VMAC: variants seen among roughly 807,000 people sequenced by gnomAD.
The protein encoded by VMAC is vimentin-type intermediate filament-associated coiled-coil protein.
Under a neutral mutation model 4.8 loss-of-function variants are expected in VMAC, and 8 were observed. The observed-to-expected ratio is 1.68, with a 90% confidence interval of 0.99 to 3.03. VMAC has a LOEUF of 3.03. VMAC is among the 30% of genes most tolerant of loss of function. The probability of loss-of-function intolerance (pLI) is 0.00; values close to 1 mark genes in which losing one functional copy is unlikely to be tolerated. For synonymous variants in VMAC, 96 were observed against 113.7 expected (o/e 0.84, Z 0.99); for missense variants, 248 against 245.1 (o/e 1.01, Z -0.08).
At position 5,904,901 on chromosome 19, in the gene VMAC, C is replaced by A; in HGVS notation, c.11C>A (p.Pro4Gln). Residue 4 changes from proline to glutamine, a missense_variant, in exon 1 of 2, where the codon CCG becomes CAG. Pro to Gln is a moderately conservative substitution (Grantham distance 76). Coordinates refer to ENST00000339485, the MANE Select transcript of VMAC (RefSeq NM_001017921.4). The stretch of plus-strand genomic sequence containing the variant: ...ACAGCAGCCTGGGCCATGTCGGCGC[C>A]GCCGGCCCTGCAGATCCGGGAGGCA... Reference protein sequence around the residue: MSAPPALQIREANA... With the variant: MSAQPALQIREANA... The A allele has an allele frequency of 1.3e-6, 2 of 1,481,792 alleles. No individual in the cohort carries two copies. Among genetic ancestry groups the A allele is most frequent in the East Asian group, 2.9e-5 (1 of 34,452 alleles). 91.8% of individuals were successfully genotyped at this position (1,481,792 alleles called of 1,614,324 possible). A position where few individuals can be genotyped will look rare whatever the true frequency, so the allele number is the denominator to read the frequency against.
intron 1 of VMAC, 66 bp downstream of exon 1, chr19:5,905,147 A>G (rs2057673892): frequency 1.5e-6 from 2 of 1,327,334 alleles, no homozygotes; most frequent in Non-Finnish European, 1.9e-6. Context: ...CCGAGGCTGG[A>G]AAGCGAGGAA....
rs905849738 is a variant in VMAC at position 5,910,040 on chromosome 19, C to T, written c.*898C>T. 1 of 152,202 alleles carries T rather than the reference C, an allele frequency of 6.6e-6. No individual in the cohort carries two copies. The highest frequency in any genetic ancestry group is 1.5e-5 in the Non-Finnish European group (1 of 68,076). The allele number at this position is 152,202 out of a possible 1,614,324, so 9.4% of individuals were successfully genotyped here. ...CACCAGGAACCGGCGAGGGGCACAG[C>T]CTGTTTCAGACCAGAAAGGTCGGAG... On this transcript the variant is annotated 3_prime_UTR_variant, in exon 2 of 2. Transcript: ENST00000339485.
chr19:5,909,029 A>G lies in VMAC; in HGVS notation c.397A>G (p.Ser133Gly), dbSNP rs547617283. Residue 133 changes from serine (S) to glycine (G), a missense_variant, in exon 2 of 2, where the codon AGT (serine) becomes GGT (glycine). Ser to Gly is a moderately conservative substitution (Grantham distance 56). Coordinates refer to ENST00000339485, the MANE Select transcript of VMAC (RefSeq NM_001017921.4). ...EAERLGPLPA[S>G]DPGHPPPGGP... Reference sequence around the variant, plus strand: ...TGAGCGCCTGGGGCCCCTGCCGGCCAGTGACCCCGGCCACCCACCCCCCGG... The same window carrying G: ...TGAGCGCCTGGGGCCCCTGCCGGCCGGTGACCCCGGCCACCCACCCCCCGG... 6.3e-7 allele frequency: 1 copy of G among 1,580,952 alleles called. No homozygotes were observed. The highest frequency in any genetic ancestry group is 1.1e-5 in the South Asian group (1 of 88,340).
rs1277604231 is a variant in VMAC at position 5,910,108 on chromosome 19, C to T, written c.*966C>T. 1 of 152,250 alleles carries T rather than the reference C, an allele frequency of 6.6e-6. No homozygotes were observed. The highest frequency in any genetic ancestry group is 1.5e-5 in the Non-Finnish European group (1 of 68,088). The allele number at this position is 152,250 out of a possible 1,614,324, so 9.4% of individuals were successfully genotyped here. A position where few individuals can be genotyped will look rare whatever the true frequency, so the allele number is the denominator to read the frequency against. ...GGATGGCGCCCGCCTGCCTGCCTGG[C>T]AACAGTGACCCCTCAGTGCAGTAAC... On this transcript the variant is annotated 3_prime_UTR_variant, in exon 2 of 2. Transcript: ENST00000339485.
At position 5,909,291 on chromosome 19, in the gene VMAC, T is replaced by C. The variant is rs1266660470; in HGVS notation, c.*149T>C. On this transcript the variant is annotated 3_prime_UTR_variant, in exon 2 of 2. Coordinates refer to ENST00000339485, the MANE Select transcript of VMAC (RefSeq NM_001017921.4). ...GCTGAACAGTCAAAAAGTTTTCAAA[T>C]AGGCCCACAGGCCAGGTGCAGACGT... is the stretch of plus-strand genomic sequence containing the variant. 3.7e-6 allele frequency: 3 copies of C among 813,074 alleles called. No homozygotes were observed. Among genetic ancestry groups the C allele is most frequent in the Non-Finnish European group, 1.8e-6 (1 of 544,202 alleles). The allele number at this position is 813,074 out of a possible 1,614,324, so 50.4% of individuals were successfully genotyped here.
At chr19:5,906,504 T>C (rs1366337991) in intron 1 of VMAC, among the ~76,000 whole-genome samples, 5 of 152,232 alleles carry the variant, frequency 3.3e-5, no homozygotes, top group African/African-American at 7.2e-5. Context: ...CAGTAAGACT[T>C]AGCCTTGCCC....
In VMAC at chr19:5,904,988, C is replaced by T; in HGVS notation, c.98C>T (p.Ala33Val). Residue 33 changes from alanine (A) to valine (V), a missense_variant, in exon 1 of 2, where the codon GCG (alanine) becomes GTG (valine). Transcript: ENST00000339485. The stretch of plus-strand genomic sequence containing the variant: ...GAGCTGGAGGCGCGGCTGGACGCGG[C>T]GGAGCGCACGGTGCACGCCCAAGCC... The part of the protein sequence containing the change: ...AAELEARLDA[A>V]ERTVHAQAER... 3 of 1,463,198 alleles carry T rather than the reference C, an allele frequency of 2.1e-6. No individual in the cohort carries two copies. The highest frequency in any genetic ancestry group is 8.9e-7 in the Non-Finnish European group (1 of 1,117,608). The allele number at this position is 1,463,198 out of a possible 1,614,324, so 90.6% of individuals were successfully genotyped here.
Position 5,909,827 on chromosome 19 carries a change from T to C in VMAC, c.*685T>C, listed in dbSNP as rs1472822799. On this transcript the variant is annotated 3_prime_UTR_variant, in exon 2 of 2. Coordinates refer to ENST00000339485, the MANE Select transcript of VMAC (RefSeq NM_001017921.4). ...TTGTAGCATGCAACTGTCTCCTTTT[T>C]ATACGCCCTAAAGAATATATTTTTG... 1 of 152,258 alleles carries C rather than the reference T, an allele frequency of 6.6e-6. No individual in the cohort carries two copies. Among genetic ancestry groups the C allele is most frequent in the African/African-American group, 2.4e-5 (1 of 41,450 alleles). The allele number at this position is 152,258 out of a possible 1,614,324, so 9.4% of individuals were successfully genotyped here.
chr19:5,907,618 A>T (rs1265835657), intron 1 of VMAC, among the ~76,000 whole-genome samples: 1 of 131,790 alleles, frequency 7.6e-6, no homozygotes, highest in Non-Finnish European at 1.7e-5. Flanking sequence ...ACTAAAAAAA[A>T]AAAAAAAAAA....
chr19:5,908,399 G>A lies in VMAC; in HGVS notation c.192-425G>A, dbSNP rs1023253039. Among the ~76,000 whole-genome samples, 3 of 152,100 alleles carry A rather than the reference G, an allele frequency of 2.0e-5. No individual in the cohort carries two copies. The highest frequency in any genetic ancestry group is 6.5e-5 in the Admixed American group (1 of 15,276). The stretch of plus-strand genomic sequence containing the variant: ...TGAGAGGCCATGGCGGGTGGATCAC[G>A]TGGTCAGGAGTTCGAGACCAGCCTG... On this transcript the variant is annotated intron_variant, in intron 1 of 1. Coordinates refer to ENST00000339485, the MANE Select transcript of VMAC (RefSeq NM_001017921.4). This position sits in a 1 kb window ranked among gnomAD's most constrained non-coding sequence, Gnocchi z 4.5.
intron 1 of VMAC, among the ~76,000 whole-genome samples, chr19:5,905,720 C>T (rs1308866353): frequency 6.6e-6 from 1 of 151,738 alleles, no homozygotes; most frequent in Non-Finnish European, 1.5e-5. Flanking sequence ...CCGCACCCGG[C>T]CTAAATTTAT....
chr19:5,909,310 C>G lies in VMAC; in HGVS notation c.*168C>G. The G allele has an allele frequency of 1.5e-6, 1 of 656,174 alleles. No individual in the cohort carries two copies. The highest frequency in any genetic ancestry group is 2.5e-6 in the Non-Finnish European group (1 of 405,750). The allele number at this position is 656,174 out of a possible 1,614,324, so 40.6% of individuals were successfully genotyped here. A position where few individuals can be genotyped will look rare whatever the true frequency, so the allele number is the denominator to read the frequency against. ...TTCAAATAGGCCCACAGGCCAGGTG[C>G]AGACGTTTAACCCAGACAGAAGTGT... is the stretch of plus-strand genomic sequence containing the variant. On this transcript the variant is annotated 3_prime_UTR_variant, in exon 2 of 2. Coordinates refer to ENST00000339485, the MANE Select transcript of VMAC (RefSeq NM_001017921.4).
Position 5,904,995 on chromosome 19 carries a change from C to T in VMAC, c.105C>T (p.Arg35=). The change falls in exon 1 of 2, where the codon CGC becomes CGT. Residue 35 remains arginine (R), a synonymous_variant. Coordinates refer to ENST00000339485, the MANE Select transcript of VMAC (RefSeq NM_001017921.4). The part of the protein sequence containing the change: ...ELEARLDAAE[R]TVHAQAERLA... ...AGGCGCGGCTGGACGCGGCGGAGCG[C>T]ACGGTGCACGCCCAAGCCGAGCGCC... is the stretch of plus-strand genomic sequence containing the variant. The T allele has an allele frequency of 6.8e-7, 1 of 1,462,142 alleles. No individual in the cohort carries two copies. The highest frequency in any genetic ancestry group is 9.0e-7 in the Non-Finnish European group (1 of 1,117,092). The allele number at this position is 1,462,142 out of a possible 1,614,324, so 90.6% of individuals were successfully genotyped here.
chr19:5,905,984 A>G (rs780340326), intron 1 of VMAC, among the ~76,000 whole-genome samples: 1 of 150,442 alleles, frequency 6.6e-6, no homozygotes, highest in Non-Finnish European at 1.5e-5. Flanking sequence ...CTAAGCCACC[A>G]TGCCTATCTA....
At position 5,910,821 on chromosome 19, in the gene VMAC, C is replaced by CTTTCTTTCTTTCTTTTTTTTTTTT. The variant is rs1568436262; in HGVS notation, c.*1682_*1683insCTTTCTTTCTTTTTTTTTTTTTTT. Reference sequence around the variant, plus strand: ...GAAATTCTGTTTTCTTTCTTTCTTTCTTTTTTTTTTAAAGAGACAAAGTCT... The same window carrying CTTTCTTTCTTTCTTTTTTTTTTTT: ...GAAATTCTGTTTTCTTTCTTTCTTTCTTTCTTTCTTTCTTTTTTTTTTTTTTTTTTTTTTAAAGAGACAAAGTCT... On this transcript the variant is annotated 3_prime_UTR_variant, in exon 2 of 2. Coordinates refer to ENST00000339485, the MANE Select transcript of VMAC (RefSeq NM_001017921.4). 1 of 142,952 alleles carries CTTTCTTTCTTTCTTTTTTTTTTTT rather than the reference C, an allele frequency of 7.0e-6. No homozygotes were observed. Among genetic ancestry groups the CTTTCTTTCTTTCTTTTTTTTTTTT allele is most frequent in the Non-Finnish European group, 1.5e-5 (1 of 65,538 alleles). The allele number at this position is 142,952 out of a possible 1,614,324, so 8.9% of individuals were successfully genotyped here. A position where few individuals can be genotyped will look rare whatever the true frequency, so the allele number is the denominator to read the frequency against.
At position 5,909,043 on chromosome 19, in the gene VMAC, C is replaced by T. The variant is rs143909525; in HGVS notation, c.411C>T (p.His137=). 3.7e-4 allele frequency: 584 copies of T among 1,570,892 alleles called. 1 individual carries two copies. In the African/African-American group the frequency reaches 7.1e-3, roughly 19 times the overall value. Residue 137 remains histidine, a synonymous_variant, in exon 2 of 2, where the codon CAC becomes CAT. Coordinates refer to ENST00000339485, the MANE Select transcript of VMAC (RefSeq NM_001017921.4). ...LGPLPASDPG[H]PPPGGPGPPL... is the part of the protein sequence containing the mutation. ...CCCTGCCGGCCAGTGACCCCGGCCA[C>T]CCACCCCCCGGTGGGCCTGGTCCAC... is the stretch of plus-strand genomic sequence containing the variant.
chr19:5,909,276 C>A lies in VMAC; in HGVS notation c.*134C>A. ...TAAGCATCAGAACAGGCTGAACAGT[C>A]AAAAAGTTTTCAAATAGGCCCACAG... On this transcript the variant is annotated 3_prime_UTR_variant, in exon 2 of 2. Transcript: ENST00000339485. The A allele has an allele frequency of 9.6e-7, 1 of 1,040,302 alleles. No homozygotes were observed. Among genetic ancestry groups the A allele is most frequent in the Non-Finnish European group, 1.3e-6 (1 of 746,746 alleles). 64.4% of individuals were successfully genotyped at this position (1,040,302 alleles called of 1,614,324 possible). A position where few individuals can be genotyped will look rare whatever the true frequency, so the allele number is the denominator to read the frequency against.
chr19:5,906,445 A>G (rs1430719142), intron 1 of VMAC, among the ~76,000 whole-genome samples: 1 of 152,232 alleles, frequency 6.6e-6, no homozygotes, highest in African/African-American at 2.4e-5. Context: ...ATTCGTCTTC[A>G]TTGAGCACCT....
Position 5,910,315 on chromosome 19 carries a change from AG to A in VMAC, c.*1176del, listed in dbSNP as rs1368834968. 1 of 152,202 alleles carries A rather than the reference AG, an allele frequency of 6.6e-6. No individual in the cohort carries two copies. Among genetic ancestry groups the A allele is most frequent in the Non-Finnish European group, 1.5e-5 (1 of 68,046 alleles). 9.4% of individuals were successfully genotyped at this position (152,202 alleles called of 1,614,324 possible). Reference sequence around the variant, plus strand: ...GGTCCTGCTGGGCCAGGTAGAATCTAGGGAGTGTAGGCCAAGCACTCTCTAC... The same window carrying A: ...GGTCCTGCTGGGCCAGGTAGAATCTAGGAGTGTAGGCCAAGCACTCTCTAC... On this transcript the variant is annotated 3_prime_UTR_variant, in exon 2 of 2. Coordinates refer to ENST00000339485, the MANE Select transcript of VMAC (RefSeq NM_001017921.4).
Sources: gnomAD v4.1 joint callset for allele counts (sites outside exome capture counted in the v4.1 genomes callset) on GRCh38, gnomAD v4.1.1 for gene constraint, Gnocchi (gnomAD v3.1) non-coding constraint, MANE v1.5 for transcripts, NCBI Gene and HGNC (gene_info 2026-07-23, HGNC 2026-07-21) for gene names.